The following COL26A1 variants were observed in gnomAD, a reference collection of about 807,000 sequenced individuals.
COL26A1 encodes the protein collagen alpha-1(XXVI) chain.
A neutral mutation model predicts 59.3 loss-of-function variants in COL26A1; 41 were observed. That is an observed-to-expected ratio of 0.69 (90% CI 0.54 to 0.90). COL26A1 has a LOEUF of 0.90. Ranked by LOEUF, COL26A1 falls within the 40% of genes least tolerant of loss-of-function variation. The probability of loss-of-function intolerance (pLI) is 0.00; values close to 1 mark genes in which losing one functional copy is unlikely to be tolerated. For missense variants in COL26A1, 612 were observed against 602.3 expected, an observed-to-expected ratio of 1.02 and a Z score of -0.17; for synonymous variants, 266 against 256.0, an observed-to-expected ratio of 1.04 and a Z score of -0.37.
chr7:101,434,676 G>A (rs1792874085), intron 2 of COL26A1, among the ~76,000 whole-genome samples: 1 of 152,188 alleles, frequency 6.6e-6, no homozygotes. Flanking sequence ...TGGGGACAGG[G>A]TGCGAGGCAG....
Position 101,551,138 on chromosome 7 carries a change from C to T in COL26A1, c.1024C>T (p.Pro342Ser). ...GGCTGGAGAGCGAGGCACAGTGGGGCCGTCCGTAAGTGTGGGCTGTGCAGA... is the reference window on the plus strand; with the variant it reads ...GGCTGGAGAGCGAGGCACAGTGGGGTCGTCCGTAAGTGTGGGCTGTGCAGA... ...GLAGERGTVG[P>S]SGEPGVKGEE... The change falls in exon 10 of 13, where the codon CCG becomes TCG. Residue 342 changes from proline (P) to serine (S), a missense_variant. Physicochemically the swap from Pro to Ser is moderately conservative, Grantham distance 74. Coordinates refer to ENST00000313669, the MANE Select transcript of COL26A1 (RefSeq NM_001278563.3). The T allele has an allele frequency of 1.3e-6, 2 of 1,559,522 alleles. No individual in the cohort carries two copies. Among genetic ancestry groups the T allele is most frequent in the African/African-American group, 1.4e-5 (1 of 73,596 alleles).
At chr7:101,511,825 T>C (rs992670278) in intron 3 of COL26A1, among the ~76,000 whole-genome samples, 1 of 152,050 alleles carries the variant, frequency 6.6e-6, no homozygotes, top group African/African-American at 2.4e-5. Flanking sequence ...AGACTCCATC[T>C]CTACAAAACC....
chr7:101,548,602 G>A (rs575631040), intron 8 of COL26A1, among the ~76,000 whole-genome samples: 1 of 152,114 alleles, frequency 6.6e-6, no homozygotes, highest in East Asian at 1.9e-4. Context: ...TGGAGGAATA[G>A]GGAGGCTCCA....
At chr7:101,549,143 A>T in intron 8 of COL26A1, 28 bp from the exon 9 acceptor site, 3 of 1,492,238 alleles carry the variant, frequency 2.0e-6, no homozygotes, top group Non-Finnish European at 2.7e-6. Context: ...CTCTGGCCCC[A>T]GGTGACCATC....
In COL26A1 at chr7:101,420,040, G is replaced by A. The variant is rs373555150; in HGVS notation, c.222G>A (p.Thr74=). The change falls in exon 2 of 13, where the codon ACG becomes ACA. Residue 74 remains threonine (T), a synonymous_variant. Coordinates refer to ENST00000313669, the MANE Select transcript of COL26A1 (RefSeq NM_001278563.3). ...VSCQVQNGSE[T]VVQRVYQSCR... is the part of the protein sequence containing the mutation. Reference sequence around the variant, plus strand: ...GCCAGGTGCAGAATGGCTCGGAGACGGTGGTCCAGCGCGTGTACCAGAGCT... The same window carrying A: ...GCCAGGTGCAGAATGGCTCGGAGACAGTGGTCCAGCGCGTGTACCAGAGCT... The A allele has an allele frequency of 1.5e-5, 25 of 1,613,024 alleles. No individual in the cohort carries two copies. Among genetic ancestry groups the A allele is most frequent in the Admixed American group, 3.3e-5 (2 of 59,994 alleles).
intron 2 of COL26A1, among the ~76,000 whole-genome samples, chr7:101,441,475 C>T (rs1394619470): frequency 6.6e-6 from 1 of 152,208 alleles, no homozygotes; most frequent in African/African-American, 2.4e-5. Flanking sequence ...CCATGCCCGG[C>T]TATTTTTTGT....
At chr7:101,368,809 A>T (rs1050677405) in intron 1 of COL26A1, among the ~76,000 whole-genome samples, 161 of 152,068 alleles carry the variant, frequency 1.1e-3, no homozygotes, top group African/African-American at 3.6e-3. Flanking sequence ...TCAAAGTAGT[A>T]CTATAATTTT....
intron 7 of COL26A1, among the ~76,000 whole-genome samples, 172 bp from the exon 8 acceptor site, chr7:101,546,984 C>T (rs1422538434): frequency 6.6e-6 from 1 of 152,184 alleles, no homozygotes; most frequent in Non-Finnish European, 1.5e-5. Context: ...CTGGGCCTCT[C>T]CGTGCTCCTC....
chr7:101,385,459 A>G (rs1399945164), intron 1 of COL26A1, among the ~76,000 whole-genome samples: 1 of 150,054 alleles, frequency 6.7e-6, no homozygotes, highest in Non-Finnish European at 1.5e-5. Context: ...CAACCTCCGC[A>G]GCCTGGGTTC....
chr7:101,424,813 C>T (rs1023069552), intron 2 of COL26A1, among the ~76,000 whole-genome samples: 2 of 152,116 alleles, frequency 1.3e-5, no homozygotes, highest in Non-Finnish European at 2.9e-5. Flanking sequence ...CCTGGTTTTG[C>T]TGGCCTTGCC....
At chr7:101,482,207 C>T (rs1407099053) in intron 3 of COL26A1, among the ~76,000 whole-genome samples, 1 of 152,002 alleles carries the variant, frequency 6.6e-6, no homozygotes, top group African/African-American at 2.4e-5. Context: ...GGGGTTTTGC[C>T]ATGCTGGCCA....
intron 12 of COL26A1, among the ~76,000 whole-genome samples, chr7:101,556,986 T>C (rs921050626): frequency 2.8e-5 from 4 of 142,392 alleles, no homozygotes; most frequent in African/African-American, 8.0e-5. Context: ...AGTGAGTGGA[T>C]GGATGGGTGG....
At chr7:101,469,822 T>A (rs1370910460) in intron 3 of COL26A1, among the ~76,000 whole-genome samples, 3 of 151,994 alleles carry the variant, frequency 2.0e-5, no homozygotes, top group Non-Finnish European at 2.9e-5. Context: ...TGTTTGGTAA[T>A]TCGCTAGAAC....
intron 1 of COL26A1, among the ~76,000 whole-genome samples, chr7:101,389,970 G>A (rs946823736): frequency 7.9e-5 from 12 of 152,158 alleles, no homozygotes; most frequent in African/African-American, 2.9e-4. Context: ...TTTTCACTCT[G>A]TTGATTGGAT....
At chr7:101,505,211 ACT>A (rs921423283) in intron 3 of COL26A1, among the ~76,000 whole-genome samples, 2 of 149,810 alleles carry the variant, frequency 1.3e-5, no homozygotes, top group Non-Finnish European at 3.0e-5. Context: ...GTATGTGAGC[ACT>A]CTCTGTGATT....
chr7:101,522,151 G>T (rs1274846734), intron 3 of COL26A1, among the ~76,000 whole-genome samples: 2 of 151,996 alleles, frequency 1.3e-5, no homozygotes. Flanking sequence ...CTCTCATCTA[G>T]AAGTGGCTCC....
chr7:101,526,027 G>C lies in COL26A1; in HGVS notation c.386-7055G>C, dbSNP rs199700725. On this transcript the variant is annotated intron_variant, in intron 3 of 12. Coordinates refer to ENST00000313669, the MANE Select transcript of COL26A1 (RefSeq NM_001278563.3). ...ATCTTTTTAGCTGGAGCAGAACTGC[G>C]TTTTCTTTTTCTTTTCTTTTCCTTT... 2.4e-4 allele frequency among the ~76,000 whole-genome samples: 37 copies of C among 151,976 alleles called. No individual in the cohort carries two copies. The East Asian group carries it at 6.8e-3, about 28-fold the overall frequency.
At chr7:101,367,588 C>T (rs752899545) in intron 1 of COL26A1, among the ~76,000 whole-genome samples, 1 of 151,300 alleles carries the variant, frequency 6.6e-6, no homozygotes, top group East Asian at 2.0e-4. Context: ...TCGCTTAAGC[C>T]CGGGAGGCGG....
At chr7:101,525,639 G>T (rs1795229228) in intron 3 of COL26A1, among the ~76,000 whole-genome samples, 1 of 150,936 alleles carries the variant, frequency 6.6e-6, no homozygotes, top group African/African-American at 2.4e-5. Flanking sequence ...TGGGACTACA[G>T]GTGCCCACCA....
Sources: allele counts gnomAD v4.1 joint callset (sites outside exome capture counted in the v4.1 genomes callset), GRCh38; gene constraint gnomAD v4.1.1; transcripts MANE v1.5; gene names NCBI Gene and HGNC (gene_info 2026-07-23, HGNC 2026-07-21).